Variants in DLGAP1 observed in about 807,000 individuals in gnomAD.
DLGAP1 encodes the protein DLG associated protein 1, also known as disks large-associated protein 1.
A neutral mutation model predicts 90.8 loss-of-function variants in DLGAP1; 11 were observed. That is an observed-to-expected ratio of 0.12 (90% confidence interval 0.08 to 0.20). DLGAP1 has a LOEUF of 0.20. DLGAP1 is among the 10% of genes least tolerant of loss of function. The pLI, the probability that DLGAP1 is intolerant of heterozygous loss-of-function variation, is 1.00. For missense variants in DLGAP1, 1,050 were observed against 1,333.8 expected (o/e 0.79, Z 3.31); for synonymous variants, 558 against 540.7 (o/e 1.03, Z -0.44).
chr18:4,115,630 C>T (rs1015769113), intron 2 of DLGAP1, among the ~76,000 whole-genome samples: 15 of 152,022 alleles, frequency 9.9e-5, no homozygotes, highest in African/African-American at 2.7e-4. Context: ...GGACTACAGG[C>T]GCCTGCCACA....
rs150550140 is a variant in DLGAP1, at chr18:4,438,773, A to T, written c.-267+16233T>A. Among the ~76,000 whole-genome samples, 793 of 152,304 alleles carry T rather than the reference A, an allele frequency of 5.2e-3. 10 individuals are homozygous for T. Among genetic ancestry groups the T allele is most frequent in the African/African-American group, 0.018 (741 of 41,552 alleles). On this transcript the variant is annotated intron_variant, in intron 1 of 12. Coordinates refer to ENST00000315677, the MANE Select transcript of DLGAP1 (RefSeq NM_004746.4). ...GCTCATCATCACAGACATAACATTT[A>T]TAAACTCATTCCACTCCAGTGTTTA...
At chr18:3,566,774 T>G (rs569780019) in intron 9 of DLGAP1, among the ~76,000 whole-genome samples, 24 of 152,188 alleles carry the variant, frequency 1.6e-4, no homozygotes, top group Non-Finnish European at 1.8e-4. Flanking sequence ...ACATTTGCTG[T>G]ATATTTAGTA....
At chr18:4,248,036 G>A (rs1051688314) in intron 1 of DLGAP1, among the ~76,000 whole-genome samples, 4 of 151,978 alleles carry the variant, frequency 2.6e-5, no homozygotes, top group South Asian at 2.1e-4. Flanking sequence ...CATTTGGTGC[G>A]AGAGATGAAA....
chr18:3,839,429 G>C (rs2068582862), intron 4 of DLGAP1, among the ~76,000 whole-genome samples: 1 of 152,160 alleles, frequency 6.6e-6, no homozygotes, highest in African/African-American at 2.4e-5. Flanking sequence ...CCACACGTAG[G>C]CATTGGTAGC....
At chr18:3,582,615 G>C (rs562223626) in intron 7 of DLGAP1, among the ~76,000 whole-genome samples, 1 of 152,098 alleles carries the variant, frequency 6.6e-6, no homozygotes, top group South Asian at 2.1e-4. Context: ...CTGTCTTCAG[G>C]GAAAAAACTA....
intron 2 of DLGAP1, among the ~76,000 whole-genome samples, chr18:4,019,315 T>A (rs746075282): frequency 6.6e-6 from 1 of 152,182 alleles, no homozygotes; most frequent in Non-Finnish European, 1.5e-5. Context: ...AGATGCTTTA[T>A]CTTCTTTTCT....
At chr18:4,409,443 TATCTC>T (rs1354108135) in intron 1 of DLGAP1, among the ~76,000 whole-genome samples, 1 of 152,204 alleles carries the variant, frequency 6.6e-6, no homozygotes, top group Non-Finnish European at 1.5e-5. Context: ...TTGGTCTTCT[TATCTC>T]TATCACAGAA....
chr18:4,423,541 T>C (rs2083086802), intron 1 of DLGAP1, among the ~76,000 whole-genome samples: 1 of 151,346 alleles, frequency 6.6e-6, no homozygotes. Context: ...TCAACTTTGT[T>C]AGAATTATAA....
chr18:4,382,409 G>A (rs2082143646), intron 1 of DLGAP1, among the ~76,000 whole-genome samples: 1 of 150,406 alleles, frequency 6.6e-6, no homozygotes, highest in Non-Finnish European at 1.5e-5. Flanking sequence ...TCCATATTTT[G>A]AAATTTTTTC....
At chr18:3,570,958 A>G (rs2054745653) in intron 8 of DLGAP1, among the ~76,000 whole-genome samples, 1 of 151,620 alleles carries the variant, frequency 6.6e-6, no homozygotes, top group South Asian at 2.1e-4. Context: ...ATTTAAAAAC[A>G]GAACAAACCA....
intron 3 of DLGAP1, chr18:3,978,021 T>C (rs1342637230): frequency 3.1e-5 from 12 of 383,896 alleles, no homozygotes; most frequent in South Asian, 2.3e-4. Context: ...GGGATGATGT[T>C]CTGGAGAGCC....
intron 3 of DLGAP1, among the ~76,000 whole-genome samples, chr18:3,925,708 GA>G: frequency 6.6e-6 from 1 of 151,896 alleles, no homozygotes; most frequent in African/African-American, 2.4e-5. Context: ...GTGCAGAGAA[GA>G]AAAAAAACCC....
At chr18:4,351,202 T>G (rs932374348) in intron 1 of DLGAP1, among the ~76,000 whole-genome samples, 2 of 152,190 alleles carry the variant, frequency 1.3e-5, no homozygotes, top group African/African-American at 4.8e-5. Context: ...TTCAACCAAT[T>G]GTTAGCGTGT....
At chr18:3,862,959 C>T (rs2070172540) in intron 4 of DLGAP1, among the ~76,000 whole-genome samples, 1 of 152,254 alleles carries the variant, frequency 6.6e-6, no homozygotes, top group South Asian at 2.1e-4. Context: ...ATCACTGGGA[C>T]ATCACCACAG....
chr18:4,284,127 A>G (rs368656524), intron 1 of DLGAP1, among the ~76,000 whole-genome samples: 13 of 151,482 alleles, frequency 8.6e-5, no homozygotes, highest in African/African-American at 2.9e-4. Flanking sequence ...CACTATGATT[A>G]TAGGTGCACT....
At chr18:3,677,283 G>A (rs1056641026) in intron 7 of DLGAP1, among the ~76,000 whole-genome samples, 6 of 152,058 alleles carry the variant, frequency 3.9e-5, no homozygotes, top group African/African-American at 7.2e-5. Context: ...ACTCCTTCAC[G>A]TCCACTGAAT....
At chr18:4,423,136 A>G (rs11081111) in intron 1 of DLGAP1, among the ~76,000 whole-genome samples, 151,938 of 152,286 alleles carry the variant, frequency 1, 75,795 homozygotes, top group Middle Eastern at 1. Context: ...TTGTTATTTC[A>G]CTATCATTAA....
intron 1 of DLGAP1, among the ~76,000 whole-genome samples, chr18:4,168,750 T>C (rs1056302226): frequency 2.6e-5 from 4 of 152,198 alleles, no homozygotes; most frequent in Admixed American, 6.5e-5. Context: ...AAGTAAATGA[T>C]TAATTTATTT....
At chr18:4,036,714 A>G (rs1325498164) in intron 2 of DLGAP1, among the ~76,000 whole-genome samples, 1 of 152,214 alleles carries the variant, frequency 6.6e-6, no homozygotes, top group African/African-American at 2.4e-5. Context: ...GCTGTGTACC[A>G]TTCAATCATT....
Sources: allele counts gnomAD v4.1 joint callset (sites outside exome capture counted in the v4.1 genomes callset), GRCh38; gene constraint gnomAD v4.1.1; transcripts MANE v1.5; gene names NCBI Gene and HGNC (gene_info 2026-07-23, HGNC 2026-07-21).